The following TRIM5 variants were observed in gnomAD, a reference collection of about 807,000 sequenced individuals.
TRIM5 encodes tripartite motif-containing protein 5.
Under a neutral mutation model 35.6 loss-of-function variants are expected in TRIM5, and 31 were observed. That is an observed-to-expected ratio of 0.87 (90% CI 0.65 to 1.18). The LOEUF is 1.18. Ranked by LOEUF, TRIM5 falls within the 50% of genes most tolerant of loss-of-function variation. TRIM5 has a pLI of 0.00. For synonymous variants in TRIM5, 243 were observed against 215.6 expected, an observed-to-expected ratio of 1.13 and a Z score of -1.11; for missense variants, 609 against 591.6, an observed-to-expected ratio of 1.03 and a Z score of -0.31.
intron 4 of TRIM5, among the ~76,000 whole-genome samples, chr11:5,676,781 C>A (rs939361055): frequency 1.3e-5 from 2 of 150,798 alleles, no homozygotes; most frequent in Non-Finnish European, 3.0e-5. Context: ...CAGAACAGAG[C>A]CCTCAGAAAT....
the TRIM5 span, among the ~76,000 whole-genome samples, chr11:5,657,113 A>G: frequency 6.6e-6 from 1 of 152,162 alleles, no homozygotes; most frequent in Non-Finnish European, 1.5e-5. Context: ...CATATACATC[A>G]TGGAATACTA....
chr11:5,642,872 G>C, the TRIM5 span: 11 of 1,613,298 alleles, frequency 6.8e-6, no homozygotes, highest in Non-Finnish European at 9.3e-6. Context: ...TTAAATAACT[G>C]TTTTCCAATT....
chr11:5,663,080 G>A (rs957978863), downstream of TRIM5: 37 of 296,736 alleles, frequency 1.2e-4, no homozygotes, highest in African/African-American at 7.7e-4. Flanking sequence ...AGCCGAGATC[G>A]TGCCATTGCA....
the TRIM5 span, among the ~76,000 whole-genome samples, chr11:5,638,138 A>G: frequency 6.6e-6 from 1 of 152,226 alleles, no homozygotes; most frequent in Non-Finnish European, 1.5e-5. Context: ...ATCTGACCCA[A>G]TCCTGAATGC....
the TRIM5 span, chr11:5,603,500 A>G: frequency 1.9e-6 from 3 of 1,614,150 alleles, no homozygotes; most frequent in Non-Finnish European, 1.7e-6. Flanking sequence ...CAGACCAGCT[A>G]CCAGCCAGGG....
At chr11:5,608,038 G>T in the TRIM5 span, among the ~76,000 whole-genome samples, 3 of 152,170 alleles carry the variant, frequency 2.0e-5, no homozygotes, top group Admixed American at 6.5e-5. Flanking sequence ...GCTACTCAAG[G>T]ATAGAAATTA....
the TRIM5 span, among the ~76,000 whole-genome samples, chr11:5,602,179 G>C: frequency 1.3e-5 from 2 of 152,206 alleles, no homozygotes; most frequent in African/African-American, 4.8e-5. Flanking sequence ...AGTGGCTCAT[G>C]CCTGTAGTCC....
chr11:5,639,901 A>C, the TRIM5 span, among the ~76,000 whole-genome samples: 2 of 152,172 alleles, frequency 1.3e-5, no homozygotes, highest in Non-Finnish European at 2.9e-5. Context: ...ACAGGTATAC[A>C]ATGCATAATA....
chr11:5,641,373 A>G, the TRIM5 span: 1 of 1,384,206 alleles, frequency 7.2e-7, no homozygotes, highest in Non-Finnish European at 9.5e-7. Context: ...AATGGACTCG[A>G]TCCTATGTTA....
chr11:5,666,748 G>A (rs1448596026), intron 5 of TRIM5, among the ~76,000 whole-genome samples: 2 of 152,222 alleles, frequency 1.3e-5, no homozygotes, highest in Non-Finnish European at 2.9e-5. Context: ...GTAGGTGTGC[G>A]AGGTGTGCGA....
chr11:5,632,783 C>A, the TRIM5 span: 6 of 1,517,002 alleles, frequency 4.0e-6, no homozygotes, highest in South Asian at 1.3e-5. Flanking sequence ...GGAGATGGGG[C>A]AGAAGATGGT....
At chr11:5,594,992 C>T in the TRIM5 span, among the ~76,000 whole-genome samples, 44 of 152,252 alleles carry the variant, frequency 2.9e-4, no homozygotes, top group African/African-American at 8.9e-4. Flanking sequence ...ATAACCTTTG[C>T]GTGGCTTCTT....
At chr11:5,602,263 A>T in the TRIM5 span, among the ~76,000 whole-genome samples, 79 of 144,888 alleles carry the variant, frequency 5.5e-4, no homozygotes, top group African/African-American at 1.9e-3. Context: ...ACACAGTGAA[A>T]CCTCATCTCT....
the TRIM5 span, among the ~76,000 whole-genome samples, chr11:5,600,483 C>G: frequency 6.6e-6 from 1 of 152,152 alleles, no homozygotes; most frequent in East Asian, 1.9e-4. Flanking sequence ...GTTTTCGGCT[C>G]GCTAGATCCC....
chr11:5,615,908 T>C, the TRIM5 span, among the ~76,000 whole-genome samples: 2 of 151,100 alleles, frequency 1.3e-5, no homozygotes, highest in Admixed American at 6.6e-5. Flanking sequence ...TTCTTTTGAT[T>C]ATTGTTTTCA....
At chr11:5,596,236 G>A in the TRIM5 span, 1 of 152,544 alleles carries the variant, frequency 6.6e-6, no homozygotes, top group Non-Finnish European at 1.5e-5. Context: ...CTTGTCTGGA[G>A]AGTTTGACCC....
chr11:5,599,774 C>A, the TRIM5 span, among the ~76,000 whole-genome samples: 1 of 152,286 alleles, frequency 6.6e-6, no homozygotes, highest in South Asian at 2.1e-4. Context: ...GTGCCAACAT[C>A]AAGGCCAACT....
At chr11:5,656,581 C>G in the TRIM5 span, among the ~76,000 whole-genome samples, 380 of 152,182 alleles carry the variant, frequency 2.5e-3, 1 homozygote, top group Middle Eastern at 0.01. Flanking sequence ...CTCGAACTCC[C>G]AACCTTAGGT....
At chr11:5,603,122 T>G in the TRIM5 span, 2 of 1,465,272 alleles carry the variant, frequency 1.4e-6, no homozygotes, top group South Asian at 1.4e-5. Context: ...GTATTGGATA[T>G]GAGAATGAGA....
Sources: allele counts gnomAD v4.1 joint callset (sites outside exome capture counted in the v4.1 genomes callset), GRCh38; gene constraint gnomAD v4.1.1; transcripts MANE v1.5; gene names NCBI Gene and HGNC (gene_info 2026-07-23, HGNC 2026-07-21).